The following CHAT variants were observed in gnomAD, a reference collection of about 807,000 sequenced individuals.
CHAT encodes the protein choline O-acetyltransferase, also known as acetyl CoA:choline O-acetyltransferase.
A neutral mutation model predicts 76.9 loss-of-function variants in CHAT; 61 were observed. The observed-to-expected ratio is 0.79, with a 90% CI of 0.65 to 0.98. The LOEUF is 0.98. CHAT is among the 50% of genes least tolerant of loss of function. CHAT has a pLI of 0.00. For synonymous variants in CHAT, 407 were observed against 397.4 expected (o/e 1.02, Z -0.29); for missense variants, 946 against 986.9 (o/e 0.96, Z 0.56).
chr10:49,630,116 G>A (rs1322481926), intron 7 of CHAT, among the ~76,000 whole-genome samples: 1 of 152,094 alleles, frequency 6.6e-6, no homozygotes, highest in Non-Finnish European at 1.5e-5. Flanking sequence ...GGGTGGAGAC[G>A]TCAAGCTTAA....
intron 7 of CHAT, among the ~76,000 whole-genome samples, chr10:49,639,755 T>C (rs1481923968): frequency 6.6e-6 from 1 of 152,202 alleles, no homozygotes; most frequent in African/African-American, 2.4e-5. Flanking sequence ...TAGATGTGTG[T>C]CCTTTGCCAA....
chr10:49,644,945 T>G (rs945262175), intron 7 of CHAT, among the ~76,000 whole-genome samples: 9 of 152,036 alleles, frequency 5.9e-5, no homozygotes, highest in African/African-American at 2.2e-4. Flanking sequence ...AGGCGAGAGC[T>G]CCCACCATTA....
chr10:49,612,176 G>T (rs563318974), upstream of CHAT: 4 of 1,610,170 alleles, frequency 2.5e-6, no homozygotes, highest in Middle Eastern at 1.6e-4. Flanking sequence ...ACGCGCTCCC[G>T]TTCCGAGCGC....
At chr10:49,642,895 T>C (rs1338735522) in intron 7 of CHAT, among the ~76,000 whole-genome samples, 1 of 152,250 alleles carries the variant, frequency 6.6e-6, no homozygotes, top group Non-Finnish European at 1.5e-5. Flanking sequence ...GACTCTGCTC[T>C]GACCACACTG....
chr10:49,611,362 C>G, upstream of CHAT: 1 of 1,600,420 alleles, frequency 6.2e-7, no homozygotes, highest in Non-Finnish European at 8.5e-7. Context: ...CCCGGAGGAG[C>G]CGGAGCGCAG....
In CHAT at chr10:49,665,616, C is replaced by G. The variant is rs1840325864; in HGVS notation, c.*570C>G. 6.6e-6 allele frequency among the ~76,000 whole-genome samples: 1 copy of G among 152,184 alleles called. No homozygotes were observed. The highest frequency in any genetic ancestry group is 1.5e-5 in the Non-Finnish European group (1 of 68,026). On this transcript the variant is annotated 3_prime_UTR_variant, in exon 15 of 15. Coordinates refer to ENST00000337653, the MANE Select transcript of CHAT (RefSeq NM_020549.5). ...GCACCCACTCCTCCCACACACACCA[C>G]AGAGCCCAAGTCCATTTAAAATATA...
chr10:49,652,413 TCC>T (rs1564492125), intron 11 of CHAT, among the ~76,000 whole-genome samples: 1 of 152,066 alleles, frequency 6.6e-6, no homozygotes, highest in Non-Finnish European at 1.5e-5. Context: ...AACCAGCAGC[TCC>T]CCCAGCTGAT....
upstream of CHAT, chr10:49,610,667 C>G: frequency 1.4e-6 from 2 of 1,398,920 alleles, no homozygotes; most frequent in African/African-American, 3.0e-5. Context: ...GTCCCGTGCC[C>G]TCGCCTCTGC....
intron 9 of CHAT, 82 bp downstream of exon 9, chr10:49,648,689 T>G: frequency 1.2e-6 from 1 of 846,432 alleles, no homozygotes; most frequent in Non-Finnish European, 2.0e-6. Flanking sequence ...CTGGAAAGCG[T>G]CTTAACAAAA....
At chr10:49,650,205 T>G (rs1436144862) in intron 10 of CHAT, among the ~76,000 whole-genome samples, 1 of 152,138 alleles carries the variant, frequency 6.6e-6, no homozygotes, top group Non-Finnish European at 1.5e-5. Flanking sequence ...ATTCACTGGT[T>G]TGCTCATTCA....
At chr10:49,610,950 C>T (rs1324815380), upstream of CHAT, 6 of 1,610,446 alleles carry the variant, frequency 3.7e-6, no homozygotes, top group South Asian at 5.5e-5. Flanking sequence ...GCGGCGAGGG[C>T]CCCACCCGGA....
intron 13 of CHAT, among the ~76,000 whole-genome samples, chr10:49,657,166 T>C (rs1317674714): frequency 6.6e-6 from 1 of 152,058 alleles, no homozygotes; most frequent in Admixed American, 6.5e-5. Flanking sequence ...ACGTCCAAGA[T>C]CAAGGTGCCA....
At chr10:49,649,947 G>T (rs1564490502) in intron 10 of CHAT, among the ~76,000 whole-genome samples, 1 of 59,606 alleles carries the variant, frequency 1.7e-5, no homozygotes, top group Non-Finnish European at 5.3e-5. Context: ...CCCTGCTTTA[G>T]GGGGAGTAAT....
At chr10:49,609,978 A>G (rs562953196), upstream of CHAT, among the ~76,000 whole-genome samples, 18 of 151,586 alleles carry the variant, frequency 1.2e-4, no homozygotes, top group East Asian at 3.6e-3. Context: ...CTTCCCCAAG[A>G]GGAGAAGAGC....
At chr10:49,629,066 G>A (rs573163266) in intron 7 of CHAT, among the ~76,000 whole-genome samples, 6 of 152,340 alleles carry the variant, frequency 3.9e-5, no homozygotes, top group Admixed American at 6.5e-5. Context: ...ACTGTGGCCC[G>A]TTCGCTTACC....
intron 10 of CHAT, among the ~76,000 whole-genome samples, chr10:49,650,742 A>G (rs1207811924): frequency 6.6e-6 from 1 of 152,172 alleles, no homozygotes; most frequent in Non-Finnish European, 1.5e-5. Context: ...TGAGCAGGAC[A>G]GAGTGTGGCC....
upstream of CHAT, among the ~76,000 whole-genome samples, chr10:49,609,883 G>A (rs1323011156): frequency 1.3e-5 from 2 of 151,842 alleles, no homozygotes; most frequent in Admixed American, 6.5e-5. Context: ...CTCGCTGTGC[G>A]CCGAGGTCCA....
At position 49,636,679 on chromosome 10, in the gene CHAT, G is replaced by T. The variant is rs555938092; in HGVS notation, c.1111+8894G>T. ...TTTCTTTTTGGGGAGTTTTAATGTTGCTAATTCAATACCCTTAACTCATTT... is the reference window on the plus strand; with the variant it reads ...TTTCTTTTTGGGGAGTTTTAATGTTTCTAATTCAATACCCTTAACTCATTT... On this transcript the variant is annotated intron_variant, in intron 7 of 14. Coordinates refer to ENST00000337653, the MANE Select transcript of CHAT (RefSeq NM_020549.5). Among the ~76,000 whole-genome samples the T allele has an allele frequency of 9.9e-5, 15 of 152,168 alleles. No homozygotes were observed. The East Asian group carries it at 2.7e-3, about 27-fold the overall frequency.
rs553771451 is a variant in CHAT, at chr10:49,649,550, C to A, written c.1425C>A (p.Ser475Arg). Residue 475 changes from serine to arginine, a missense_variant, in exon 10 of 15, where the codon AGC (serine) becomes AGA (arginine). This residue lies in a region of CHAT where 349 missense variants were observed against 393.9 expected (regional missense o/e 0.89). Transcript: ENST00000337653. The part of the protein sequence containing the change: ...SRKLIRADSV[S>R]ELPAPRRLRW... ...AGCTGATCCGAGCAGACTCCGTCAG[C>A]GAGCTCCCCGCCCCCCGGAGGCTGC... 22 of 1,613,872 alleles carry A rather than the reference C, an allele frequency of 1.4e-5. No individual in the cohort carries two copies. The highest frequency in any genetic ancestry group is 1.9e-5 in the Non-Finnish European group (22 of 1,180,036).
Sources: allele counts gnomAD v4.1 joint callset (sites outside exome capture counted in the v4.1 genomes callset), GRCh38; gene constraint gnomAD v4.1.1; regional missense constraint gnomAD v4.1.1; transcripts MANE v1.5; gene names NCBI Gene and HGNC (gene_info 2026-07-23, HGNC 2026-07-21).